The following NRAP variants were observed in gnomAD, a reference collection of about 807,000 sequenced individuals.
The protein encoded by NRAP is nebulin-related-anchoring protein.
A neutral mutation model predicts 225.9 loss-of-function variants in NRAP; 189 were observed. That is an observed-to-expected ratio of 0.84 (90% CI 0.74 to 0.94). The LOEUF (loss-of-function observed/expected upper bound fraction) is 0.94, where lower values mean the gene tolerates loss of function less well. Ranked by LOEUF, NRAP falls within the 40% of genes least tolerant of loss-of-function variation. The pLI is 0.00. For missense variants in NRAP, 2,176 were observed against 2,168.7 expected (o/e 1.00, Z -0.07); for synonymous variants, 769 against 790.7 (o/e 0.97, Z 0.46).
At position 113,645,907 on chromosome 10, in the gene NRAP, C is replaced by G. The variant is rs777815178; in HGVS notation, c.1028G>C (p.Gly343Ala). 3.1e-6 allele frequency: 5 copies of G among 1,599,776 alleles called. No homozygotes were observed. The highest frequency in any genetic ancestry group is 3.4e-6 in the Non-Finnish European group (4 of 1,171,988). Residue 343 changes from glycine (G) to alanine (A), a missense_variant, in exon 11 of 42, where the codon GGC (glycine) becomes GCC (alanine). This residue lies in a region of NRAP where 1,708 missense variants were observed against 1,695.5 expected (regional missense o/e 1.01). Coordinates refer to ENST00000359988, the MANE Select transcript of NRAP (RefSeq NM_198060.4). ...TGGAAGCGAGTGATAATGTGCAGCG[C>G]CTTTCATCTTATTGAAGTCCTGCCT... ...KYRQDFNKMK[G>A]AAHYHSLPAQ...
At chr10:113,642,364 C>T (rs562431984) in intron 12 of NRAP, among the ~76,000 whole-genome samples, 1 of 152,192 alleles carries the variant, frequency 6.6e-6, no homozygotes, top group South Asian at 2.1e-4. Context: ...TTACACAGTC[C>T]CTTGCAATTT....
At chr10:113,656,101 C>T (rs957918790) in intron 4 of NRAP, among the ~76,000 whole-genome samples, 10 of 152,262 alleles carry the variant, frequency 6.6e-5, no homozygotes, top group African/African-American at 2.2e-4. Flanking sequence ...CCAGCATTAA[C>T]ACCAACACAT....
At chr10:113,663,091 T>G (rs1850789091) in intron 2 of NRAP, among the ~76,000 whole-genome samples, 2 of 152,224 alleles carry the variant, frequency 1.3e-5, no homozygotes, top group African/African-American at 2.4e-5. Flanking sequence ...GGCCATTACA[T>G]TGTTCTGCAC....
At chr10:113,589,596 A>AAAG in intron 41 of NRAP, 70 bp downstream of exon 41, 1 of 1,549,106 alleles carries the variant, frequency 6.5e-7, no homozygotes, top group Admixed American at 2.0e-5. Flanking sequence ...TAAACTTTGA[A>AAAG]AAGAAACAAT....
intron 8 of NRAP, 70 bp downstream of exon 8, chr10:113,650,368 T>C (rs1849867493): frequency 8.9e-7 from 1 of 1,125,782 alleles, no homozygotes; most frequent in African/African-American, 1.5e-5. Flanking sequence ...CAACAGGAAG[T>C]TGGACTCCTC....
intron 14 of NRAP, among the ~76,000 whole-genome samples, chr10:113,639,481 A>G (rs3121462): frequency 0.55 from 84,106 of 151,906 alleles, 24,515 homozygotes; most frequent in East Asian, 0.73. Context: ...CTTGACTTTC[A>G]TAAATATACG....
chr10:113,631,197 C>G (rs375970772), intron 18 of NRAP, among the ~76,000 whole-genome samples: 4 of 152,294 alleles, frequency 2.6e-5, no homozygotes, highest in Admixed American at 1.3e-4. Context: ...GCCCCAGGGT[C>G]TCGACCAGTG....
chr10:113,658,086 A>G (rs1850422956), intron 3 of NRAP, among the ~76,000 whole-genome samples: 1 of 152,188 alleles, frequency 6.6e-6, no homozygotes, highest in African/African-American at 2.4e-5. Flanking sequence ...CCTAATTACT[A>G]CAGTACTGTT....
chr10:113,643,201 A>G (rs915702306), intron 11 of NRAP, among the ~76,000 whole-genome samples, 163 bp from the exon 12 acceptor site: 4 of 152,250 alleles, frequency 2.6e-5, no homozygotes, highest in African/African-American at 9.6e-5. Flanking sequence ...TTCCTTTATA[A>G]AAATGAATCA....
intron 9 of NRAP, among the ~76,000 whole-genome samples, chr10:113,649,106 T>C (rs1388309378): frequency 1.3e-5 from 2 of 152,218 alleles, no homozygotes; most frequent in East Asian, 1.9e-4. Context: ...GAGAATTTGA[T>C]TAAATGGCCT....
chr10:113,620,552 C>A, intron 25 of NRAP, 52 bp downstream of exon 25: 6 of 1,136,136 alleles, frequency 5.3e-6, no homozygotes, highest in Non-Finnish European at 8.0e-6. Context: ...TATACAGAGA[C>A]GCCGCACGCC....
At chr10:113,655,512 G>T (rs2134188164) in intron 4 of NRAP, among the ~76,000 whole-genome samples, 1 of 150,594 alleles carries the variant, frequency 6.6e-6, no homozygotes, top group Non-Finnish European at 1.5e-5. Context: ...ATGGAGTGCA[G>T]TGGCACTATC....
chr10:113,650,567 A>T, intron 7 of NRAP, 22 bp from the exon 8 acceptor site: 4 of 1,438,598 alleles, frequency 2.8e-6, no homozygotes, highest in Non-Finnish European at 3.9e-6. Context: ...AAACATGTGA[A>T]TCACATGCCC....
intron 7 of NRAP, among the ~76,000 whole-genome samples, chr10:113,651,563 C>T (rs1849971747): frequency 6.6e-6 from 1 of 152,158 alleles, no homozygotes; most frequent in Non-Finnish European, 1.5e-5. Context: ...CATTGCTCAG[C>T]TCCCACTTAT....
chr10:113,633,060 C>A (rs752081574), intron 16 of NRAP, 24 bp downstream of exon 16: 6 of 1,195,220 alleles, frequency 5.0e-6, no homozygotes, highest in East Asian at 2.3e-5. Flanking sequence ...CCCCCTCCAC[C>A]GTCTCCCCAC....
At chr10:113,650,371 G>C in intron 8 of NRAP, 67 bp downstream of exon 8, 1 of 1,147,610 alleles carries the variant, frequency 8.7e-7, no homozygotes, top group Admixed American at 1.7e-5. Flanking sequence ...CAGGAAGTTG[G>C]ACTCCTCAGA....
chr10:113,588,985 A>G lies in NRAP; in HGVS notation c.5183T>C (p.Leu1728Pro). Residue 1728 changes from leucine (L) to proline (P), a missense_variant, in exon 42 of 42, where the codon CTG becomes CCG. Leu to Pro is a moderately conservative substitution (Grantham distance 98). Coordinates refer to ENST00000359988, the MANE Select transcript of NRAP (RefSeq NM_198060.4). ...EILHVKKKKALLL is the reference protein window; with the variant it reads ...EILHVKKKKAPLL ...CAGGGTGGACATGGCTCACAACAGC[A>G]GGGCCTTCTTCTTTTTGACGTGCAG... The G allele has an allele frequency of 3.7e-6, 6 of 1,613,094 alleles. No individual in the cohort carries two copies. The highest frequency in any genetic ancestry group is 5.1e-6 in the Non-Finnish European group (6 of 1,179,206).
chr10:113,596,540 C>T (rs1173205484), intron 37 of NRAP, among the ~76,000 whole-genome samples: 1 of 152,182 alleles, frequency 6.6e-6, no homozygotes, highest in African/African-American at 2.4e-5. Flanking sequence ...GGAAATAGGG[C>T]TAAATTATAC....
intron 25 of NRAP, among the ~76,000 whole-genome samples, chr10:113,618,216 A>G (rs1445858948): frequency 1.3e-5 from 2 of 152,184 alleles, no homozygotes; most frequent in Non-Finnish European, 2.9e-5. Context: ...TATTCTGAAA[A>G]TCTGTTTAAA....
Sources: allele counts gnomAD v4.1 joint callset (sites outside exome capture counted in the v4.1 genomes callset), GRCh38; gene constraint gnomAD v4.1.1; regional missense constraint gnomAD v4.1.1; transcripts MANE v1.5; gene names NCBI Gene and HGNC (gene_info 2026-07-23, HGNC 2026-07-21).